The following GRIN2B variants were observed in gnomAD, a reference collection of about 807,000 sequenced individuals.
The protein encoded by GRIN2B is glutamate ionotropic receptor NMDA type subunit 2B, also known as glutamate receptor ionotropic, NMDA 2B.
In GRIN2B, 5 loss-of-function variants were observed where a neutral mutation model predicts 114.5. That is an observed-to-expected ratio of 0.04 (90% confidence interval 0.02 to 0.09). GRIN2B has a LOEUF of 0.09. GRIN2B is among the 10% of genes least tolerant of loss of function. The pLI, the probability that GRIN2B is intolerant of heterozygous loss-of-function variation, is 1.00. For missense variants in GRIN2B, 1,108 were observed against 1,943.5 expected, an observed-to-expected ratio of 0.57 and a Z score of 8.08; for synonymous variants, 787 against 745.1, an observed-to-expected ratio of 1.06 and a Z score of -0.92.
At chr12:13,573,911 T>C (rs1221807430) in intron 10 of GRIN2B, among the ~76,000 whole-genome samples, 1 of 152,228 alleles carries the variant, frequency 6.6e-6, no homozygotes, top group Non-Finnish European at 1.5e-5. Context: ...ACCAAACAAC[T>C]ACTACTTCCT....
At chr12:13,620,002 A>G (rs1271961221) in intron 5 of GRIN2B, among the ~76,000 whole-genome samples, 1 of 152,192 alleles carries the variant, frequency 6.6e-6, no homozygotes, top group African/African-American at 2.4e-5. Context: ...AATATCCACT[A>G]TCCATTGACA....
At chr12:13,904,298 C>T (rs1189484145) in intron 2 of GRIN2B, among the ~76,000 whole-genome samples, 2 of 151,838 alleles carry the variant, frequency 1.3e-5, no homozygotes, top group Non-Finnish European at 2.9e-5. Flanking sequence ...AAATTCTACA[C>T]TTGGTTTCTG....
chr12:13,925,563 T>C (rs1291982259), intron 2 of GRIN2B, among the ~76,000 whole-genome samples: 1 of 152,134 alleles, frequency 6.6e-6, no homozygotes, highest in Admixed American at 6.5e-5. Context: ...CCCTGGACAG[T>C]GGCACCAGAT....
chr12:13,779,685 C>G (rs1366828538), intron 3 of GRIN2B, among the ~76,000 whole-genome samples: 1 of 152,182 alleles, frequency 6.6e-6, no homozygotes, highest in African/African-American at 2.4e-5. Context: ...TTAGTTCAGA[C>G]TAGCCATATT....
chr12:13,596,580 G>C (rs574924616), intron 10 of GRIN2B, among the ~76,000 whole-genome samples: 19 of 152,166 alleles, frequency 1.2e-4, no homozygotes, highest in Non-Finnish European at 2.5e-4. Flanking sequence ...CTGAGAGTGG[G>C]ATCTTTTCCT....
intron 3 of GRIN2B, among the ~76,000 whole-genome samples, chr12:13,770,780 G>A (rs1188736580): frequency 6.6e-6 from 1 of 152,102 alleles, no homozygotes; most frequent in Non-Finnish European, 1.5e-5. Context: ...TCATCCTCAG[G>A]CAATTTATTA....
Position 13,563,701 on chromosome 12 carries a change from G to C in GRIN2B, c.3537C>G (p.Ile1179Met). ...GGGPCTNRSH[I>M]KHGTGDKHGV... ...CGTGTTTGTCGCCCGTCCCGTGCTT[G>C]ATGTGAGACCTGTTGGTACAGGGCC... Residue 1179 changes from isoleucine to methionine, a missense_variant, in exon 14 of 14, where the codon ATC becomes ATG. This residue lies in a region of GRIN2B where 478 missense variants were observed against 506.0 expected (regional missense o/e 0.94). Coordinates refer to ENST00000609686, the MANE Select transcript of GRIN2B (RefSeq NM_000834.5). The C allele has an allele frequency of 6.2e-7, 1 of 1,613,592 alleles. No homozygotes were observed. The highest frequency in any genetic ancestry group is 8.5e-7 in the Non-Finnish European group (1 of 1,179,972).
At chr12:13,854,048 T>G (rs1865616878) in intron 3 of GRIN2B, among the ~76,000 whole-genome samples, 3 of 151,540 alleles carry the variant, frequency 2.0e-5, no homozygotes, top group Non-Finnish European at 4.4e-5. Context: ...TGAAAAGAAA[T>G]AAAGGGAAAA....
chr12:13,732,447 C>T (rs915535542), intron 4 of GRIN2B, among the ~76,000 whole-genome samples: 5 of 152,164 alleles, frequency 3.3e-5, no homozygotes, highest in African/African-American at 9.7e-5. Context: ...CTCCTTCCCT[C>T]GGGCCTCTGT....
At chr12:13,862,286 G>A (rs1334063358) in intron 3 of GRIN2B, among the ~76,000 whole-genome samples, 1 of 152,182 alleles carries the variant, frequency 6.6e-6, no homozygotes, top group Non-Finnish European at 1.5e-5. Context: ...AAAGTCTTCA[G>A]AAGAATGCTG....
intron 3 of GRIN2B, among the ~76,000 whole-genome samples, chr12:13,842,917 CTTT>C (rs201344138): frequency 6.8e-5 from 7 of 103,220 alleles, no homozygotes; most frequent in Non-Finnish European, 4.1e-5. Flanking sequence ...ATTGGTTTTT[CTTT>C]TTTTTTTTTT....
At chr12:13,948,555 C>T (rs1258892529) in intron 2 of GRIN2B, among the ~76,000 whole-genome samples, 5 of 152,058 alleles carry the variant, frequency 3.3e-5, no homozygotes, top group Non-Finnish European at 2.9e-5. Flanking sequence ...GATTTCAACA[C>T]GGTTGGTGGT....
chr12:13,796,590 A>G (rs1864422595), intron 3 of GRIN2B, among the ~76,000 whole-genome samples: 1 of 152,222 alleles, frequency 6.6e-6, no homozygotes, highest in South Asian at 2.1e-4. Flanking sequence ...ACCATCTTAT[A>G]AAGGAAAAAG....
intron 10 of GRIN2B, among the ~76,000 whole-genome samples, chr12:13,572,813 ATAAAACTCAAAACAATT>A (rs1948723416): frequency 6.6e-6 from 1 of 152,236 alleles, no homozygotes; most frequent in South Asian, 2.1e-4. Flanking sequence ...CCGTTTCAAA[ATAAAACTCAAAACAATT>A]TCTTCAAGAA....
chr12:13,872,719 C>T (rs548128231), intron 2 of GRIN2B, among the ~76,000 whole-genome samples: 29 of 152,276 alleles, frequency 1.9e-4, no homozygotes, highest in Non-Finnish European at 4.3e-4. Context: ...TAAAACATCA[C>T]TCTTTGATAA....
chr12:13,963,595 T>C (rs987772528), intron 2 of GRIN2B, among the ~76,000 whole-genome samples: 9 of 152,106 alleles, frequency 5.9e-5, no homozygotes, highest in South Asian at 2.1e-4. Flanking sequence ...TCACATAACC[T>C]GCGTTTTACA....
At chr12:13,577,919 A>T (rs904941851) in intron 10 of GRIN2B, among the ~76,000 whole-genome samples, 1 of 152,180 alleles carries the variant, frequency 6.6e-6, no homozygotes, top group Non-Finnish European at 1.5e-5. Context: ...TATTGATTTC[A>T]TTCATTTATA....
At chr12:13,704,490 A>T (rs1364674811) in intron 4 of GRIN2B, among the ~76,000 whole-genome samples, 1 of 152,208 alleles carries the variant, frequency 6.6e-6, no homozygotes, top group African/African-American at 2.4e-5. Context: ...TTTTCAGAAT[A>T]TGCTGAAATA....
chr12:13,653,494 A>G (rs1249237806), intron 5 of GRIN2B, among the ~76,000 whole-genome samples: 2 of 152,020 alleles, frequency 1.3e-5, no homozygotes, highest in African/African-American at 2.4e-5. Context: ...GAGTACATCA[A>G]TAAATAAGGG....
Sources: allele counts gnomAD v4.1 joint callset (sites outside exome capture counted in the v4.1 genomes callset), GRCh38; gene constraint gnomAD v4.1.1; regional missense constraint gnomAD v4.1.1; transcripts MANE v1.5; gene names NCBI Gene and HGNC (gene_info 2026-07-23, HGNC 2026-07-21).